Variants in ZNF385A observed in about 807,000 individuals in gnomAD.
ZNF385A encodes hematopoietic zinc finger protein.
A neutral mutation model predicts 32.1 loss-of-function variants in ZNF385A; 14 were observed. The ratio of observed to expected loss-of-function variants is 0.44; its 90% CI spans 0.29 to 0.68. ZNF385A has a LOEUF of 0.68. ZNF385A is among the 30% of genes least tolerant of loss of function. The probability of loss-of-function intolerance (pLI) is 0.14; values close to 1 mark genes in which losing one functional copy is unlikely to be tolerated. For synonymous variants in ZNF385A, 197 were observed against 202.7 expected (o/e 0.97, Z 0.24); for missense variants, 406 against 478.4 (o/e 0.85, Z 1.41).
intron 1 of ZNF385A, among the ~76,000 whole-genome samples, chr12:54,382,843 A>T (rs74634182): frequency 0.11 from 17,189 of 149,642 alleles, 1,089 homozygotes; most frequent in African/African-American, 0.16. Context: ...TTTTTTTTTT[A>T]AAAAAAATAT....
chr12:54,379,101 G>A (rs1474511884), intron 1 of ZNF385A: 6 of 982,390 alleles, frequency 6.1e-6, no homozygotes, highest in Non-Finnish European at 3.6e-6. Context: ...TCCATGGCCC[G>A]GGGTGGCGGA....
At chr12:54,373,232 G>T (rs963632402) in intron 3 of ZNF385A, among the ~76,000 whole-genome samples, 1 of 150,896 alleles carries the variant, frequency 6.6e-6, no homozygotes, top group East Asian at 2.0e-4. Flanking sequence ...TTCTTCTTAG[G>T]GTGGGGCAGG....
Position 54,371,076 on chromosome 12 carries a change from G to T in ZNF385A, c.625C>A (p.Leu209Met). 1 of 1,610,428 alleles carries T rather than the reference G, an allele frequency of 6.2e-7. No individual in the cohort carries two copies. The highest frequency in any genetic ancestry group is 8.5e-7 in the Non-Finnish European group (1 of 1,178,590). ...HNKGTKHKTI[L>M]EARSGLGPIK... ...GGCCCGAGCCCACTTCGGGCCTCCA[G>T]AATTGTCTTGTGCTTAGTACCTGGA... The change falls in exon 5 of 7, where the codon CTG becomes ATG. Residue 209 changes from leucine to methionine, a missense_variant. Transcript: ENST00000394313.
chr12:54,374,850 C>T (rs1203538563), intron 2 of ZNF385A, among the ~76,000 whole-genome samples: 1 of 152,142 alleles, frequency 6.6e-6, no homozygotes, highest in African/African-American at 2.4e-5. Flanking sequence ...AGACAGGATG[C>T]CTGGGGTCCA....
chr12:54,381,036 A>C (rs542863360), intron 1 of ZNF385A, among the ~76,000 whole-genome samples: 9 of 152,072 alleles, frequency 5.9e-5, no homozygotes, highest in African/African-American at 2.2e-4. Context: ...TCTCTACTAA[A>C]AATACAAAAA....
Position 54,384,569 on chromosome 12 carries a change from AG to A in ZNF385A, c.-56del. 6.9e-7 allele frequency: 1 copy of A among 1,455,400 alleles called. No homozygotes were observed. The allele number at this position is 1,455,400 out of a possible 1,614,324, so 90.2% of individuals were successfully genotyped here. A position where few individuals can be genotyped will look rare whatever the true frequency, so the allele number is the denominator to read the frequency against. ...GCCCTGCCCGGCTCAGGCTGCCTGAAGGGCAGAGAAAACATTCTGTGGGGTA... is the reference window on the plus strand; with the variant it reads ...GCCCTGCCCGGCTCAGGCTGCCTGAAGGCAGAGAAAACATTCTGTGGGGTA... On this transcript the variant is annotated 5_prime_UTR_variant, in exon 1 of 7. Transcript: ENST00000394313.
intron 1 of ZNF385A, chr12:54,379,146 C>T: frequency 2.0e-6 from 2 of 981,068 alleles, no homozygotes; most frequent in Non-Finnish European, 2.4e-6. Context: ...CCGGGCCGGG[C>T]AGGCCAGGGA....
Position 54,371,601 on chromosome 12 carries a change from C to A in ZNF385A, c.476G>T (p.Gly159Val). The A allele has an allele frequency of 6.2e-7, 1 of 1,613,288 alleles. No individual in the cohort carries two copies. The highest frequency in any genetic ancestry group is 8.5e-7 in the Non-Finnish European group (1 of 1,179,662). ...AGGCAAGGAAGCCGGGGCTGGAGTCCCCCCTTCACCCTTGGTTACACCCTG... is the reference window on the plus strand; with the variant it reads ...AGGCAAGGAAGCCGGGGCTGGAGTCACCCCTTCACCCTTGGTTACACCCTG... ...TGQGVTKGEGGTPAPASLPGG... is the reference protein window; with the variant it reads ...TGQGVTKGEGVTPAPASLPGG... Residue 159 changes from glycine (G) to valine (V), a missense_variant, in exon 4 of 7, where the codon GGG becomes GTG. Transcript: ENST00000394313.
rs1565609725 is a variant in ZNF385A, at chr12:54,370,474, AAGTC to A, written c.879_882del (p.Thr294SerfsTer23). The A allele has an allele frequency of 1.9e-6, 3 of 1,551,064 alleles. No individual in the cohort carries two copies. Among genetic ancestry groups the A allele is most frequent in the Non-Finnish European group, 2.6e-6 (3 of 1,146,826 alleles). On this transcript the variant is annotated frameshift_variant, in exon 7 of 7. Coordinates refer to ENST00000394313, the MANE Select transcript of ZNF385A (RefSeq NM_015481.3). LOFTEE classifies it low-confidence loss of function (END_TRUNC). This position sits in a 1 kb window ranked among gnomAD's most constrained non-coding sequence, Gnocchi z 5.5. ...AGGGACTTGGGCAGCTCCTTGGAGA[AAGTC>A]AGCGTGCCCTGAAGCGGGCGAAAGG...
intron 1 of ZNF385A, among the ~76,000 whole-genome samples, chr12:54,390,731 A>G (rs936390880): frequency 7.9e-6 from 1 of 126,222 alleles, no homozygotes; most frequent in Non-Finnish European, 1.7e-5. Context: ...CCCACCTCCC[A>G]CCACACTCAC....
chr12:54,371,786 C>T, intron 3 of ZNF385A, 71 bp from the exon 4 acceptor site: 1 of 1,564,124 alleles, frequency 6.4e-7, no homozygotes, highest in East Asian at 2.3e-5. Flanking sequence ...GTGGAAGAGA[C>T]CCCCCCCATT....
chr12:54,374,760 A>T (rs1452851269), intron 2 of ZNF385A, among the ~76,000 whole-genome samples: 1 of 152,126 alleles, frequency 6.6e-6, no homozygotes, highest in African/African-American at 2.4e-5. Context: ...GTAGGGCAAA[A>T]AGTGGGAAGG....
upstream of ZNF385A, among the ~76,000 whole-genome samples, chr12:54,386,004 C>T (rs1031095540): frequency 6.6e-5 from 10 of 152,022 alleles, no homozygotes; most frequent in Non-Finnish European, 1.5e-4. Flanking sequence ...GTCAGGGTGA[C>T]TGAGACAGAG....
chr12:54,374,196 A>G, intron 2 of ZNF385A, 61 bp from the exon 3 acceptor site: 2 of 1,359,866 alleles, frequency 1.5e-6, no homozygotes, highest in East Asian at 5.2e-5. Flanking sequence ...CGATCTCCCC[A>G]CAGAGCTCCC....
At chr12:54,388,441 T>C (rs905826724), upstream of ZNF385A, among the ~76,000 whole-genome samples, 1 of 152,222 alleles carries the variant, frequency 6.6e-6, no homozygotes, top group Non-Finnish European at 1.5e-5. Context: ...CCCCAGCCCT[T>C]TGGCTATTTT....
Position 54,384,423 on chromosome 12 carries a change from C to T in ZNF385A, c.87+5G>A. 6.3e-7 allele frequency: 1 copy of T among 1,579,814 alleles called. No homozygotes were observed. Among genetic ancestry groups the T allele is most frequent in the Non-Finnish European group, 8.6e-7 (1 of 1,162,960 alleles). ...GATGGAGAAGGCAGGCAGGCTGCTACTTACGGTGCTGTAGTTGCTGAAGAG... is the reference window on the plus strand; with the variant it reads ...GATGGAGAAGGCAGGCAGGCTGCTATTTACGGTGCTGTAGTTGCTGAAGAG... On this transcript the variant is annotated splice_donor_5th_base_variant and intron_variant, in intron 1 of 6. Coordinates refer to ENST00000394313, the MANE Select transcript of ZNF385A (RefSeq NM_015481.3).
chr12:54,371,901 A>T (rs1592231867), intron 3 of ZNF385A, among the ~76,000 whole-genome samples, 186 bp from the exon 4 acceptor site: 1 of 152,338 alleles, frequency 6.6e-6, no homozygotes, highest in East Asian at 1.9e-4. Flanking sequence ...GCTGGGTGTG[A>T]AACTCCAATG....
At chr12:54,386,594 G>A (rs928274412), upstream of ZNF385A, among the ~76,000 whole-genome samples, 6 of 152,052 alleles carry the variant, frequency 3.9e-5, no homozygotes, top group African/African-American at 1.2e-4. Flanking sequence ...AGCCCCAGGC[G>A]GCATCAGGAA....
chr12:54,381,214 AAG>A (rs1955155303), intron 1 of ZNF385A: 1 of 142,886 alleles, frequency 7.0e-6, no homozygotes, highest in Non-Finnish European at 1.5e-5. Context: ...AAAAAAGAAA[AAG>A]AAAAAAAGAA....
Sources: gnomAD v4.1 joint callset for allele counts (sites outside exome capture counted in the v4.1 genomes callset) on GRCh38, gnomAD v4.1.1 for gene constraint, Gnocchi (gnomAD v3.1) non-coding constraint, MANE v1.5 for transcripts, NCBI Gene and HGNC (gene_info 2026-07-23, HGNC 2026-07-21) for gene names.